Variants in DMD observed in about 807,000 individuals in gnomAD.
DMD encodes mutant dystrophin.
DMD carries 63 observed loss-of-function variants against 330.1 expected under a neutral mutation model. The ratio of observed to expected loss-of-function variants is 0.19; its 90% CI spans 0.16 to 0.24. DMD has a LOEUF of 0.24. DMD is among the 10% of genes least tolerant of loss of function. DMD has a pLI of 1.00. For missense variants in DMD, 3,344 were observed against 2,684.1 expected (o/e 1.25, Z -5.43); for synonymous variants, 1,223 against 959.8 (o/e 1.27, Z -5.07).
At chrX:32,538,325 C>G (rs1310549575) in intron 17 of DMD, among the ~76,000 whole-genome samples, 2 of 111,475 alleles carry the variant, frequency 1.8e-5, no homozygotes, top group African/African-American at 3.3e-5. Context: ...CCACCTTAAC[C>G]GAGCGATTAA....
At chrX:31,805,157 T>C (rs1440892655) in intron 50 of DMD, among the ~76,000 whole-genome samples, 2 of 111,897 alleles carry the variant, frequency 1.8e-5, no homozygotes, top group African/African-American at 3.2e-5. Context: ...TTAAGTCAAA[T>C]AGTGTACTGG....
At position 31,929,762 on chromosome X, in the gene DMD, C is replaced by T. The variant is rs1422987588; in HGVS notation, c.6763-17G>A. ...CACCAGTAACTGAAACAGACAAATG[C>T]AACAACGTTTAAAATGAATTACAGC... On this transcript the variant is annotated splice_polypyrimidine_tract_variant and intron_variant, in intron 46 of 78. Transcript: ENST00000357033. 5 of 1,208,503 alleles carry T rather than the reference C, an allele frequency of 4.1e-6. No individual in the cohort carries two copies. Among genetic ancestry groups the T allele is most frequent in the East Asian group, 3.0e-5 (1 of 33,674 alleles).
At chrX:32,673,343 G>C (rs1054309770) in intron 9 of DMD, among the ~76,000 whole-genome samples, 1 of 111,286 alleles carries the variant, frequency 9.0e-6, no homozygotes, top group African/African-American at 3.3e-5. Flanking sequence ...ACTATTAGGA[G>C]ATTTGATAGA....
At chrX:31,212,894 A>C (rs112998259) in intron 64 of DMD, among the ~76,000 whole-genome samples, 1,633 of 112,224 alleles carry the variant, frequency 0.015, 32 homozygotes, top group African/African-American at 0.049. Context: ...AAGCACCAAA[A>C]AGTTGGTTAG....
At chrX:32,476,912 G>A (rs1603634418) in intron 21 of DMD, among the ~76,000 whole-genome samples, 1 of 110,955 alleles carries the variant, frequency 9.0e-6, no homozygotes, top group East Asian at 2.8e-4. Context: ...CAACAGATAA[G>A]TTTATCTTTA....
At chrX:32,385,387 T>C (rs774918163) in intron 33 of DMD, among the ~76,000 whole-genome samples, 4 of 110,851 alleles carry the variant, frequency 3.6e-5, no homozygotes, top group Non-Finnish European at 3.8e-5. Context: ...TCTCACAGCA[T>C]ATAAAAAACC....
intron 29 of DMD, among the ~76,000 whole-genome samples, chrX:32,429,020 T>C (rs1469560273): frequency 9.0e-6 from 1 of 111,416 alleles, no homozygotes; most frequent in Non-Finnish European, 1.9e-5. Context: ...TCTAAGCTTT[T>C]TATTGATTAA....
At chrX:31,122,444 TGCCACCATCACC>T (rs755422108) in intron 78 of DMD, among the ~76,000 whole-genome samples, 3 of 111,378 alleles carry the variant, frequency 2.7e-5, no homozygotes, top group Admixed American at 1.9e-4. Flanking sequence ...CCATTATCAC[TGCCACCATCACC>T]GCCACACCAA....
chrX:32,523,147 T>A (rs2046604579), intron 17 of DMD, among the ~76,000 whole-genome samples: 1 of 111,336 alleles, frequency 9.0e-6, no homozygotes, highest in African/African-American at 3.3e-5. Flanking sequence ...GTTTGCACAC[T>A]GTAGGGGCTC....
At position 32,858,242 on chromosome X, in the gene DMD, T is replaced by G. The variant is rs2081755743; in HGVS notation, c.94-8422A>C. On this transcript the variant is annotated intron_variant, in intron 2 of 78. Coordinates refer to ENST00000357033, the MANE Select transcript of DMD (RefSeq NM_004006.3). ...TACACAGTGCCTGCAGGTTTTAAAT[T>G]TCTTTGAAAGCATATACTTTATGCT... Among the ~76,000 whole-genome samples, 3 of 112,469 alleles carry G rather than the reference T, an allele frequency of 2.7e-5. No individual in the cohort carries two copies. The Admixed American group carries it at 2.8e-4, about 11-fold the overall frequency.
chrX:32,107,382 G>T (rs1035575384), intron 44 of DMD, among the ~76,000 whole-genome samples: 1 of 106,502 alleles, frequency 9.4e-6, no homozygotes, highest in Non-Finnish European at 1.9e-5. Flanking sequence ...GTCTCTGTGT[G>T]TGTTTGTATG....
Position 32,190,094 on chromosome X carries a change from AT to A in DMD, c.6438+26821del, listed in dbSNP as rs1308494839. On this transcript the variant is annotated intron_variant, in intron 44 of 78. Transcript: ENST00000357033. ...GGACATTTGGAAATGTCTGGGACAA[AT>A]TTGTGATTAAAGAAGAGAGTACTAT... is the stretch of plus-strand genomic sequence containing the variant. Among the ~76,000 whole-genome samples the A allele has an allele frequency of 2.7e-5, 3 of 110,499 alleles. No individual in the cohort carries two copies. The Admixed American group carries it at 2.9e-4, about 11-fold the overall frequency.
At chrX:31,881,444 G>C (rs1224768300) in intron 47 of DMD, among the ~76,000 whole-genome samples, 3 of 108,444 alleles carry the variant, frequency 2.8e-5, no homozygotes, top group Non-Finnish European at 5.7e-5. Flanking sequence ...ATTTAGTGCA[G>C]CCTAACTATA....
chrX:31,227,430 C>T (rs2147125390), intron 63 of DMD, among the ~76,000 whole-genome samples: 1 of 111,606 alleles, frequency 9.0e-6, no homozygotes, highest in Admixed American at 9.5e-5. Context: ...AGCCTACCCC[C>T]AACCCACTGC....
chrX:33,105,612 C>A (rs1180550144), intron 1 of DMD, among the ~76,000 whole-genome samples: 1 of 111,610 alleles, frequency 9.0e-6, no homozygotes, highest in Non-Finnish European at 1.9e-5. Context: ...AGCTTGGAAA[C>A]GACAAGAATA....
chrX:32,999,207 G>A (rs1017128990), intron 2 of DMD, among the ~76,000 whole-genome samples: 2 of 112,690 alleles, frequency 1.8e-5, no homozygotes, highest in African/African-American at 6.4e-5. Context: ...CCAACCCGCA[G>A]CCTACAGGCT....
chrX:31,865,903 C>T (rs939983556), intron 48 of DMD, among the ~76,000 whole-genome samples: 2 of 111,455 alleles, frequency 1.8e-5, no homozygotes, highest in African/African-American at 6.5e-5. Context: ...GCTGTTCCTT[C>T]GGTGCCTCTT....
At chrX:32,705,159 CACA>C (rs1176837598) in intron 7 of DMD, among the ~76,000 whole-genome samples, 1 of 111,767 alleles carries the variant, frequency 8.9e-6, no homozygotes, top group African/African-American at 3.3e-5. Flanking sequence ...TTAAAATTTG[CACA>C]ACTCCTCCCA....
At chrX:32,998,251 C>G (rs1407852976) in intron 2 of DMD, among the ~76,000 whole-genome samples, 1 of 106,450 alleles carries the variant, frequency 9.4e-6, no homozygotes, top group Non-Finnish European at 1.9e-5. Flanking sequence ...ATGCCTGTAG[C>G]TAAGCTACCG....
Sources: gnomAD v4.1 joint callset for allele counts (sites outside exome capture counted in the v4.1 genomes callset) on GRCh38, gnomAD v4.1.1 for gene constraint, MANE v1.5 for transcripts, NCBI Gene and HGNC (gene_info 2026-07-23, HGNC 2026-07-21) for gene names.